TTYH1: variants seen among roughly 807,000 people sequenced by gnomAD.
The protein encoded by TTYH1 is tweety family member 1.
Under a neutral mutation model 61.2 loss-of-function variants are expected in TTYH1, and 33 were observed. The ratio of observed to expected loss-of-function variants is 0.54; its 90% confidence interval spans 0.41 to 0.72. The LOEUF is 0.72. Ranked by LOEUF, TTYH1 falls within the 30% of genes least tolerant of loss-of-function variation. TTYH1 has a pLI of 0.00. For synonymous variants in TTYH1, 308 were observed against 266.4 expected, an observed-to-expected ratio of 1.16 and a Z score of -1.52; for missense variants, 538 against 575.8, an observed-to-expected ratio of 0.93 and a Z score of 0.67.
intron 4 of TTYH1, among the ~76,000 whole-genome samples, chr19:54,422,928 C>CAAAAAAA (rs573699988): frequency 2.3e-5 from 2 of 85,376 alleles, no homozygotes; most frequent in African/African-American, 5.5e-5. Flanking sequence ...GACTCCATCT[C>CAAAAAAA]AAAAAAAAAA....
Position 54,436,285 on chromosome 19 carries a change from C to T in TTYH1, c.*43-48C>T, listed in dbSNP as rs753098617. On this transcript the variant is annotated intron_variant, in intron 13 of 13. Transcript: ENST00000376530. This position sits in a 1 kb window ranked among gnomAD's most constrained non-coding sequence, Gnocchi z 4.3. Reference sequence around the variant, plus strand: ...CTCCTGCTGGGTGGATCGCACCGGGCAGGCCCTCCAGCCTGCATCACTGCC... The same window carrying T: ...CTCCTGCTGGGTGGATCGCACCGGGTAGGCCCTCCAGCCTGCATCACTGCC... 117 of 1,613,330 alleles carry T rather than the reference C, an allele frequency of 7.3e-5. No individual in the cohort carries two copies. The highest frequency in any genetic ancestry group is 9.5e-5 in the Non-Finnish European group (112 of 1,179,556).
intron 10 of TTYH1, 28 bp from the exon 11 acceptor site, chr19:54,435,514 G>A (rs769131081): frequency 1.9e-6 from 3 of 1,566,962 alleles, no homozygotes; most frequent in African/African-American, 1.3e-5. Context: ...GGGTGGGGAC[G>A]CATGGCCTGA....
chr19:54,421,793 TG>T lies in TTYH1; in HGVS notation c.418-393del, dbSNP rs1291818113. On this transcript the variant is annotated intron_variant, in intron 3 of 13. Transcript: ENST00000376530. This position sits in a 1 kb window ranked among gnomAD's most constrained non-coding sequence, Gnocchi z 4.8. Reference sequence around the variant, plus strand: ...ACATCAGCTCCAGGATTCTGGGCCCTGGGGCTGAGGCCTGGCCCCACTTCAT... The same window carrying T: ...ACATCAGCTCCAGGATTCTGGGCCCTGGGCTGAGGCCTGGCCCCACTTCAT... Among the ~76,000 whole-genome samples, 3 of 152,102 alleles carry T rather than the reference TG, an allele frequency of 2.0e-5. No individual in the cohort carries two copies. The East Asian group carries it at 5.8e-4, about 29-fold the overall frequency.
At position 54,420,803 on chromosome 19, in the gene TTYH1, T is replaced by C; in HGVS notation, c.306-474T>C. Reference sequence around the variant, plus strand: ...TGTACCCTTAGGAACCCCCAGGAGGTGGGGGCGGAGAACGTCTCAGCACTG... The same window carrying C: ...TGTACCCTTAGGAACCCCCAGGAGGCGGGGGCGGAGAACGTCTCAGCACTG... On this transcript the variant is annotated intron_variant, in intron 2 of 13. Transcript: ENST00000376530. The surrounding 1 kb of genome is among the most constrained non-coding windows in gnomAD (Gnocchi z 4.8). 1 of 174,538 alleles carries C rather than the reference T, an allele frequency of 5.7e-6. No homozygotes were observed. Among genetic ancestry groups the C allele is most frequent in the Non-Finnish European group, 1.4e-5 (1 of 73,004 alleles). The allele number at this position is 174,538 out of a possible 1,614,324, so 10.8% of individuals were successfully genotyped here.
Position 54,421,388 on chromosome 19 carries a change from GGT to G in TTYH1, c.417+2_417+3del. ...ACACACTCAGCACCATTGACCACCT[GGT>G]GAGGGGCCAGCAACCAGTGGGACCC... is the stretch of plus-strand genomic sequence containing the variant. On this transcript the variant is annotated splice_donor_variant, in intron 3 of 13. Coordinates refer to ENST00000376530, the MANE Select transcript of TTYH1 (RefSeq NM_020659.4). LOFTEE classifies it high-confidence loss of function. The surrounding 1 kb of genome is among the most constrained non-coding windows in gnomAD (Gnocchi z 4.8). The G allele has an allele frequency of 6.2e-7, 1 of 1,609,748 alleles. No homozygotes were observed. Among genetic ancestry groups the G allele is most frequent in the South Asian group, 1.1e-5 (1 of 91,000 alleles).
At position 54,419,336 on chromosome 19, in the gene TTYH1, G is replaced by A. The variant is rs918172877; in HGVS notation, c.305+30G>A. The A allele has an allele frequency of 6.3e-7, 1 of 1,577,860 alleles. No individual in the cohort carries two copies. Among genetic ancestry groups the A allele is most frequent in the South Asian group, 1.1e-5 (1 of 88,840 alleles). ...TGGGGCCCCAGGGTGGGTGGGCGGT[G>A]GGGACAGGGCTCCCCAAGCTCTTTG... On this transcript the variant is annotated intron_variant, in intron 2 of 13. Transcript: ENST00000376530. This position sits in a 1 kb window ranked among gnomAD's most constrained non-coding sequence, Gnocchi z 6.1.
At position 54,420,627 on chromosome 19, in the gene TTYH1, G is replaced by A. The variant is rs1185187308; in HGVS notation, c.306-650G>A. On this transcript the variant is annotated intron_variant, in intron 2 of 13. Coordinates refer to ENST00000376530, the MANE Select transcript of TTYH1 (RefSeq NM_020659.4). The surrounding 1 kb of genome is among the most constrained non-coding windows in gnomAD (Gnocchi z 4.8). The stretch of plus-strand genomic sequence containing the variant: ...AGCTCTGTGTGTCGGTAGGGTGGGG[G>A]CGGGGGCACGGCTTCTCGCCCATCC... The A allele has an allele frequency of 6.1e-6, 1 of 164,634 alleles. No homozygotes were observed. The highest frequency in any genetic ancestry group is 1.5e-5 in the Non-Finnish European group (1 of 68,466). The allele number at this position is 164,634 out of a possible 1,614,324, so 10.2% of individuals were successfully genotyped here. A position where few individuals can be genotyped will look rare whatever the true frequency, so the allele number is the denominator to read the frequency against.
chr19:54,421,886 G>A lies in TTYH1; in HGVS notation c.418-304G>A, dbSNP rs1397777714. On this transcript the variant is annotated intron_variant, in intron 3 of 13. Transcript: ENST00000376530. The surrounding 1 kb of genome is among the most constrained non-coding windows in gnomAD (Gnocchi z 4.8). ...ACCCAGACTTGAGACCCCAGATTCTGGAAGGCAGATGAAAACTTCAGACCT... is the reference window on the plus strand; with the variant it reads ...ACCCAGACTTGAGACCCCAGATTCTAGAAGGCAGATGAAAACTTCAGACCT... Among the ~76,000 whole-genome samples, 1 of 152,106 alleles carries A rather than the reference G, an allele frequency of 6.6e-6. No individual in the cohort carries two copies. Among genetic ancestry groups the A allele is most frequent in the Non-Finnish European group, 1.5e-5 (1 of 68,012 alleles).
Position 54,423,738 on chromosome 19 carries a change from C to T in TTYH1, c.638+1328C>T, listed in dbSNP as rs143767655. Among the ~76,000 whole-genome samples, 809 of 152,026 alleles carry T rather than the reference C, an allele frequency of 5.3e-3. 3 individuals are homozygous for T. Among genetic ancestry groups the T allele is most frequent in the Non-Finnish European group, 7.9e-3 (534 of 67,938 alleles). On this transcript the variant is annotated intron_variant, in intron 4 of 13. Coordinates refer to ENST00000376530, the MANE Select transcript of TTYH1 (RefSeq NM_020659.4). ...GCAGAGATATGAAGTGTAGTCACCC[C>T]GGTGGCGGGCCGGGCAGTGAGCAAG... is the stretch of plus-strand genomic sequence containing the variant.
chr19:54,417,801 C>T (rs1184546880), intron 1 of TTYH1, among the ~76,000 whole-genome samples: 1 of 152,026 alleles, frequency 6.6e-6, no homozygotes, highest in Non-Finnish European at 1.5e-5. Context: ...CACACACACT[C>T]ATCCACACTG....
chr19:54,419,279 G>A lies in TTYH1; in HGVS notation c.278G>A (p.Ser93Asn). Residue 93 changes from serine to asparagine, a missense_variant, in exon 2 of 14, where the codon AGC (serine) becomes AAC (asparagine). Coordinates refer to ENST00000376530, the MANE Select transcript of TTYH1 (RefSeq NM_020659.4). This position sits in a 1 kb window ranked among gnomAD's most constrained non-coding sequence, Gnocchi z 6.1. ...PSPGGGCVTW[S>N]CIVALLAGCT... Reference sequence around the variant, plus strand: ...CCCGGGGGAGGCTGCGTCACCTGGAGCTGCATTGTCGCCCTTCTCGCCGGC... The same window carrying A: ...CCCGGGGGAGGCTGCGTCACCTGGAACTGCATTGTCGCCCTTCTCGCCGGC... The A allele has an allele frequency of 6.2e-7, 1 of 1,603,770 alleles. No individual in the cohort carries two copies. The highest frequency in any genetic ancestry group is 8.5e-7 in the Non-Finnish European group (1 of 1,179,616).
rs1367765222 is a variant in TTYH1 at position 54,426,562 on chromosome 19, TG to T, written c.639-110del. ...GCAGGAGGCTGAGCTTGGAGGGTGG[TG>T]AATGTGAGGCTGAGCTGGGGGGCAG... On this transcript the variant is annotated intron_variant, in intron 4 of 13. Coordinates refer to ENST00000376530, the MANE Select transcript of TTYH1 (RefSeq NM_020659.4). The T allele has an allele frequency of 6.2e-6, 5 of 812,102 alleles. No homozygotes were observed. The East Asian group carries it at 1.2e-4, about 20-fold the overall frequency. The allele number at this position is 812,102 out of a possible 1,614,324, so 50.3% of individuals were successfully genotyped here.
chr19:54,427,296 C>G (rs1478742997), intron 5 of TTYH1, among the ~76,000 whole-genome samples: 1 of 40,352 alleles, frequency 2.5e-5, no homozygotes, highest in Non-Finnish European at 4.3e-5. Context: ...GACACTCCAT[C>G]TCAAAAAAAA....
At chr19:54,428,079 GTTTTTTTTTTTTTTTTTT>G (rs936820982) in intron 5 of TTYH1, among the ~76,000 whole-genome samples, 1 of 62,460 alleles carries the variant, frequency 1.6e-5, no homozygotes, top group East Asian at 6.0e-4. Flanking sequence ...TCCCGGCTAA[GTTTTTTTTTTTTTTTTTT>G]TTTTTTTTTG....
In TTYH1 at chr19:54,436,455, C is replaced by G; in HGVS notation, c.*165C>G. 1 of 1,495,174 alleles carries G rather than the reference C, an allele frequency of 6.7e-7. No individual in the cohort carries two copies. Among genetic ancestry groups the G allele is most frequent in the Non-Finnish European group, 9.3e-7 (1 of 1,074,096 alleles). 92.6% of individuals were successfully genotyped at this position (1,495,174 alleles called of 1,614,324 possible). ...TCCCTGCTCTTGGCCACTGTGCTCC[C>G]ATTTCTGTCCTTGGCCTTGGGAGTA... On this transcript the variant is annotated 3_prime_UTR_variant, in exon 14 of 14. Coordinates refer to ENST00000376530, the MANE Select transcript of TTYH1 (RefSeq NM_020659.4). This position sits in a 1 kb window ranked among gnomAD's most constrained non-coding sequence, Gnocchi z 4.3.
rs1455454766 is a variant in TTYH1, at chr19:54,430,473, C to G, written c.884-77C>G. 3.3e-6 allele frequency: 5 copies of G among 1,519,128 alleles called. No homozygotes were observed. The Admixed American group carries it at 5.0e-5, about 15-fold the overall frequency. 94.1% of individuals were successfully genotyped at this position (1,519,128 alleles called of 1,614,324 possible). A position where few individuals can be genotyped will look rare whatever the true frequency, so the allele number is the denominator to read the frequency against. On this transcript the variant is annotated intron_variant, in intron 7 of 13. Transcript: ENST00000376530. ...GAGGCCCCTAACCCTGCTAACCCCC[C>G]AGTGCCCGGCCTTCCCCCGGGAGAT...
At position 54,419,613 on chromosome 19, in the gene TTYH1, A is replaced by T; in HGVS notation, c.305+307A>T. Reference sequence around the variant, plus strand: ...TCCCATTGAATAGCTGTGTGACCTAAGGGAGTGATAGTCTCCCTGGGCCTC... The same window carrying T: ...TCCCATTGAATAGCTGTGTGACCTATGGGAGTGATAGTCTCCCTGGGCCTC... On this transcript the variant is annotated intron_variant, in intron 2 of 13. Transcript: ENST00000376530. This position sits in a 1 kb window ranked among gnomAD's most constrained non-coding sequence, Gnocchi z 6.1. 2 of 628,616 alleles carry T rather than the reference A, an allele frequency of 3.2e-6. No individual in the cohort carries two copies. The allele number at this position is 628,616 out of a possible 1,614,324, so 38.9% of individuals were successfully genotyped here. A position where few individuals can be genotyped will look rare whatever the true frequency, so the allele number is the denominator to read the frequency against.
chr19:54,416,929 G>A lies in TTYH1; in HGVS notation c.126+1251G>A. The A allele has an allele frequency of 7.9e-7, 1 of 1,272,626 alleles. No homozygotes were observed. The highest frequency in any genetic ancestry group is 1.0e-6 in the Non-Finnish European group (1 of 979,708). 78.8% of individuals were successfully genotyped at this position (1,272,626 alleles called of 1,614,324 possible). A position where few individuals can be genotyped will look rare whatever the true frequency, so the allele number is the denominator to read the frequency against. On this transcript the variant is annotated intron_variant, in intron 1 of 13. Transcript: ENST00000376530. This position sits in a 1 kb window ranked among gnomAD's most constrained non-coding sequence, Gnocchi z 7.0. ...CGGCCCCAGTCACCGCCAGAGGCAC[G>A]GGTTTGGGGGAGCCTCACTCCGCCC... is the stretch of plus-strand genomic sequence containing the variant.
At chr19:54,424,195 G>T (rs2083277620) in intron 4 of TTYH1, among the ~76,000 whole-genome samples, 1 of 151,736 alleles carries the variant, frequency 6.6e-6, no homozygotes, top group Non-Finnish European at 1.5e-5. Flanking sequence ...AGGGAGATGA[G>T]GTGGGACAGA....
Sources: gnomAD v4.1 joint callset for allele counts (sites outside exome capture counted in the v4.1 genomes callset) on GRCh38, gnomAD v4.1.1 for gene constraint, Gnocchi (gnomAD v3.1) non-coding constraint, MANE v1.5 for transcripts, NCBI Gene and HGNC (gene_info 2026-07-23, HGNC 2026-07-21) for gene names.